NRG1: variants seen among roughly 807,000 people sequenced by gnomAD.
The protein encoded by NRG1 is neuregulin 1, also known as pro-neuregulin-1, membrane-bound isoform.
Under a neutral mutation model 63.8 loss-of-function variants are expected in NRG1, and 18 were observed. That is an observed-to-expected ratio of 0.28 (90% CI 0.19 to 0.42). NRG1 has a LOEUF of 0.42. Among genes scored for constraint, NRG1 ranks in the 10% least tolerant of loss-of-function variants. The pLI is 1.00. For synonymous variants in NRG1, 302 were observed against 301.3 expected (o/e 1.00, Z -0.02); for missense variants, 762 against 814.7 (o/e 0.94, Z 0.79).
intron 1 of NRG1, among the ~76,000 whole-genome samples, chr8:31,939,412 C>G (rs1229413827): frequency 6.6e-6 from 1 of 151,958 alleles, no homozygotes. Context: ...CTGAAAGGAG[C>G]TCTAAATCCT....
At chr8:31,754,690 T>C (rs1318761583) in intron 1 of NRG1, among the ~76,000 whole-genome samples, 14 of 152,064 alleles carry the variant, frequency 9.2e-5, no homozygotes, top group Admixed American at 9.2e-4. Flanking sequence ...GAGCATTCCA[T>C]CTAAGCAGCT....
chr8:31,959,084 T>C (rs950327443), intron 1 of NRG1, among the ~76,000 whole-genome samples: 1 of 152,204 alleles, frequency 6.6e-6, no homozygotes, highest in Non-Finnish European at 1.5e-5. Context: ...AATGAAAGCA[T>C]GTGTCTGAAG....
At chr8:32,456,618 T>G (rs2129488441) in intron 1 of NRG1, among the ~76,000 whole-genome samples, 1 of 152,344 alleles carries the variant, frequency 6.6e-6, no homozygotes, top group African/African-American at 2.4e-5. Flanking sequence ...TAGCTTACTT[T>G]ACTGTAAGAA....
At chr8:32,420,227 T>C (rs888917679) in intron 1 of NRG1, among the ~76,000 whole-genome samples, 1 of 152,210 alleles carries the variant, frequency 6.6e-6, no homozygotes. Flanking sequence ...GCTCCTCTTG[T>C]GACTTAATGG....
At chr8:32,048,053 T>G (rs1821297804) in intron 1 of NRG1, among the ~76,000 whole-genome samples, 1 of 151,976 alleles carries the variant, frequency 6.6e-6, no homozygotes, top group Non-Finnish European at 1.5e-5. Flanking sequence ...TCCAGGCTCA[T>G]CCATCTTAAT....
intron 1 of NRG1, among the ~76,000 whole-genome samples, chr8:32,582,142 G>A (rs892786099): frequency 3.2e-5 from 4 of 123,638 alleles, no homozygotes; most frequent in Non-Finnish European, 5.4e-5. Flanking sequence ...CTGTCACCCA[G>A]ACTGGAGTGC....
At chr8:32,180,279 C>T (rs981652938) in intron 1 of NRG1, among the ~76,000 whole-genome samples, 1 of 152,148 alleles carries the variant, frequency 6.6e-6, no homozygotes, top group Admixed American at 6.6e-5. Flanking sequence ...GCACAAATTA[C>T]CCTTCCAATT....
intron 1 of NRG1, among the ~76,000 whole-genome samples, chr8:32,425,704 G>A (rs1817271611): frequency 6.6e-6 from 1 of 152,158 alleles, no homozygotes; most frequent in Non-Finnish European, 1.5e-5. Context: ...AATCATGATT[G>A]AGATTATAGT....
chr8:32,655,103 TA>T (rs1464455919), intron 5 of NRG1, among the ~76,000 whole-genome samples: 2 of 152,158 alleles, frequency 1.3e-5, no homozygotes, highest in Non-Finnish European at 2.9e-5. Context: ...GCCTGAGACA[TA>T]AAAAATATGA....
intron 5 of NRG1, among the ~76,000 whole-genome samples, chr8:32,716,484 G>T (rs1819252721): frequency 6.6e-6 from 1 of 152,174 alleles, no homozygotes; most frequent in Non-Finnish European, 1.5e-5. Flanking sequence ...AGAAGCAGGG[G>T]AAGACCTCAG....
chr8:32,460,938 A>G (rs1822234470), intron 1 of NRG1, among the ~76,000 whole-genome samples: 1 of 152,208 alleles, frequency 6.6e-6, no homozygotes, highest in African/African-American at 2.4e-5. Context: ...TTAAGACTAT[A>G]TATCCTATAG....
chr8:32,104,907 C>CT (rs34226035), intron 1 of NRG1, among the ~76,000 whole-genome samples: 5,382 of 145,670 alleles, frequency 0.037, 327 homozygotes, highest in African/African-American at 0.12. Context: ...TCACAGTTAA[C>CT]TTTTTTTTTT....
chr8:32,454,453 C>A (rs191259349), intron 1 of NRG1, among the ~76,000 whole-genome samples: 1 of 151,344 alleles, frequency 6.6e-6, no homozygotes, highest in African/African-American at 2.4e-5. Context: ...TCTTTACTTC[C>A]GAAAGAAGAA....
intron 1 of NRG1, among the ~76,000 whole-genome samples, chr8:32,136,222 G>T (rs1835501504): frequency 6.6e-6 from 1 of 152,132 alleles, no homozygotes; most frequent in Non-Finnish European, 1.5e-5. Context: ...AGAGCTTACT[G>T]CCCATTATAA....
At chr8:32,455,531 T>C (rs560666999) in intron 1 of NRG1, among the ~76,000 whole-genome samples, 2 of 152,354 alleles carry the variant, frequency 1.3e-5, no homozygotes, top group African/African-American at 4.8e-5. Flanking sequence ...TAGTAAATTA[T>C]ATTTCCAAGT....
rs80084119 is a variant in NRG1, at chr8:32,476,972, C to G, written c.38-118856C>G. Among the ~76,000 whole-genome samples, 556 of 152,218 alleles carry G rather than the reference C, an allele frequency of 3.7e-3. 3 individuals are homozygous for G. Among genetic ancestry groups the G allele is most frequent in the African/African-American group, 0.013 (539 of 41,544 alleles). ...CACATTATTTACATGGACTCAAGGG[C>G]TGACGAGCTGGGAGGCAGCAAATGC... On this transcript the variant is annotated intron_variant, in intron 1 of 10. Transcript: ENST00000519301.
chr8:32,210,859 C>A (rs757562254), intron 1 of NRG1, among the ~76,000 whole-genome samples: 3 of 152,186 alleles, frequency 2.0e-5, no homozygotes, highest in Non-Finnish European at 2.9e-5. Flanking sequence ...ATATGATATT[C>A]TCTCTTTCTT....
At chr8:31,743,791 A>T (rs777179788) in intron 1 of NRG1, among the ~76,000 whole-genome samples, 20 of 152,120 alleles carry the variant, frequency 1.3e-4, no homozygotes, top group Non-Finnish European at 2.2e-4. Context: ...TGCCCAGAAT[A>T]ATAAAATTAT....
chr8:31,763,188 C>A (rs1020372764), intron 1 of NRG1, among the ~76,000 whole-genome samples: 1 of 152,138 alleles, frequency 6.6e-6, no homozygotes, highest in Non-Finnish European at 1.5e-5. Context: ...TAAAGGAAAT[C>A]TATAATAAAC....
Sources: allele counts gnomAD v4.1 joint callset (sites outside exome capture counted in the v4.1 genomes callset), GRCh38; gene constraint gnomAD v4.1.1; transcripts MANE v1.5; gene names NCBI Gene and HGNC (gene_info 2026-07-23, HGNC 2026-07-21).